The following OTOGL variants were observed in gnomAD, a reference collection of about 807,000 sequenced individuals.
The protein encoded by OTOGL is otogelin like.
OTOGL carries 285 observed loss-of-function variants against 318.5 expected under a neutral mutation model. The ratio of observed to expected loss-of-function variants is 0.89; its 90% CI spans 0.81 to 0.99. The LOEUF is 0.99. Among genes scored for constraint, OTOGL ranks in the 50% least tolerant of loss-of-function variants. The pLI, the probability that OTOGL is intolerant of heterozygous loss-of-function variation, is 0.00. For missense variants in OTOGL, 2,899 were observed against 2,845.6 expected, an observed-to-expected ratio of 1.02 and a Z score of -0.43; for synonymous variants, 987 against 936.5, an observed-to-expected ratio of 1.05 and a Z score of -0.99.
chr12:80,181,619 T>C (rs769503284), intron 1 of OTOGL, among the ~76,000 whole-genome samples: 6 of 151,330 alleles, frequency 4.0e-5, no homozygotes, highest in Non-Finnish European at 8.8e-5. Context: ...TACATAACCC[T>C]GAGGATCAAG....
intron 26 of OTOGL, among the ~76,000 whole-genome samples, chr12:80,289,460 G>A (rs189445766): frequency 6.6e-6 from 1 of 152,326 alleles, no homozygotes; most frequent in East Asian, 1.9e-4. Flanking sequence ...AGAGCCAGCA[G>A]GCACAAACAT....
Position 80,367,720 on chromosome 12 carries a change from G to T in OTOGL, c.6491G>T (p.Cys2164Phe). The change falls in exon 54 of 59, where the codon TGT becomes TTT. Residue 2164 changes from cysteine (C) to phenylalanine (F), a missense_variant. By Grantham distance (205) the Cys-to-Phe change is radical. This residue lies in a region of OTOGL where 289 missense variants were observed against 304.6 expected (regional missense o/e 0.95). Coordinates refer to ENST00000547103, the MANE Select transcript of OTOGL (RefSeq NM_001378609.3). ...FHTLNFTLVN[C>F]SKKCDVHQVY... ...ACTCTGAATTTTACACTGGTGAATT[G>T]TTCAAAAAAATGTGATGTTGTAAGT... is the stretch of plus-strand genomic sequence containing the variant. 7.0e-7 allele frequency: 1 copy of T among 1,422,208 alleles called. No individual in the cohort carries two copies. Among genetic ancestry groups the T allele is most frequent in the South Asian group, 1.6e-5 (1 of 62,024 alleles). The allele number at this position is 1,422,208 out of a possible 1,614,324, so 88.1% of individuals were successfully genotyped here. A position where few individuals can be genotyped will look rare whatever the true frequency, so the allele number is the denominator to read the frequency against.
intron 13 of OTOGL, 53 bp from the exon 14 acceptor site, chr12:80,253,413 T>C (rs895958225): frequency 7.5e-6 from 11 of 1,475,318 alleles, no homozygotes; most frequent in Admixed American, 5.1e-5. Context: ...ATTCCAGAAA[T>C]ACAATCTTTA....
At position 80,222,603 on chromosome 12, in the gene OTOGL, C is replaced by G. The variant is rs145511450; in HGVS notation, c.489+358C>G. Among the ~76,000 whole-genome samples, 603 of 152,244 alleles carry G rather than the reference C, an allele frequency of 4.0e-3. 5 individuals are homozygous for G. The highest frequency in any genetic ancestry group is 0.012 in the South Asian group (60 of 4,820). On this transcript the variant is annotated intron_variant, in intron 7 of 58. Transcript: ENST00000547103. ...TATGACTGAACTCAGAGAATTAATT[C>G]TTAGTTGCAGAATTCTTGATTCAAA... is the stretch of plus-strand genomic sequence containing the variant.
At chr12:80,218,795 C>CTTTTTTTTTTTTTTTTTTTTTTTTCT (rs34204072) in intron 5 of OTOGL, among the ~76,000 whole-genome samples, 1 of 118,240 alleles carries the variant, frequency 8.5e-6, no homozygotes, top group Non-Finnish European at 1.7e-5. Context: ...CTTTTTCTTT[C>CTTTTTTTTTTTTTTTTTTTTTTTTCT]TTTTTTTTTT....
At chr12:80,317,855 T>C (rs746710509) in intron 32 of OTOGL, among the ~76,000 whole-genome samples, 2 of 152,152 alleles carry the variant, frequency 1.3e-5, no homozygotes, top group Non-Finnish European at 2.9e-5. Context: ...CTGTTTCTGC[T>C]CAGCTCCACC....
At chr12:80,262,206 A>T in intron 19 of OTOGL, 113 bp downstream of exon 19, 1 of 1,100,026 alleles carries the variant, frequency 9.1e-7, no homozygotes, top group Non-Finnish European at 1.2e-6. Context: ...CCATTATGGT[A>T]AAATCAATGC....
rs970291885 is a variant in OTOGL at position 80,099,930 on chromosome 12, C to T, written c.-20+325C>T. ...GAGGAAACTGGTGATTTGGATGGTT[C>T]CACTCCTGGTCCCGTGTTCTGTGGC... On this transcript the variant is annotated intron_variant, in intron 1 of 58. Coordinates refer to ENST00000547103, the MANE Select transcript of OTOGL (RefSeq NM_001378609.3). Among the ~76,000 whole-genome samples, 4 of 152,096 alleles carry T rather than the reference C, an allele frequency of 2.6e-5. No individual in the cohort carries two copies. In the South Asian group the frequency reaches 8.3e-4, roughly 32 times the overall value.
chr12:80,341,316 G>A (rs1261559460), intron 43 of OTOGL, among the ~76,000 whole-genome samples: 2 of 152,130 alleles, frequency 1.3e-5, no homozygotes, highest in East Asian at 3.9e-4. Context: ...CAAGTCTTGA[G>A]CTTGACAATA....
intron 32 of OTOGL, among the ~76,000 whole-genome samples, chr12:80,315,494 G>A (rs1886910615): frequency 6.6e-6 from 1 of 152,132 alleles, no homozygotes; most frequent in Non-Finnish European, 1.5e-5. Context: ...TCTATTTAAT[G>A]AGGAAGGCGC....
intron 29 of OTOGL, among the ~76,000 whole-genome samples, chr12:80,308,859 C>T (rs189429746): frequency 1.4e-4 from 22 of 151,924 alleles, no homozygotes; most frequent in Non-Finnish European, 2.6e-4. Context: ...CGCAGGCACT[C>T]GGCAAGCTGA....
intron 4 of OTOGL, among the ~76,000 whole-genome samples, chr12:80,215,166 CTTT>C (rs34875604): frequency 7.0e-5 from 9 of 129,018 alleles, no homozygotes; most frequent in Admixed American, 7.8e-5. Flanking sequence ...GTTTACAAGT[CTTT>C]TTTTTTTTTT....
At chr12:80,216,004 A>C (rs773667795) in intron 4 of OTOGL, among the ~76,000 whole-genome samples, 6 of 152,190 alleles carry the variant, frequency 3.9e-5, no homozygotes, top group Non-Finnish European at 7.4e-5. Flanking sequence ...ATCTTCAAAT[A>C]GTGAGAGAGT....
chr12:80,266,479 C>T lies in OTOGL; in HGVS notation c.2253C>T (p.Tyr751=). 1 of 1,613,560 alleles carries T rather than the reference C, an allele frequency of 6.2e-7. No homozygotes were observed. The highest frequency in any genetic ancestry group is 8.5e-7 in the Non-Finnish European group (1 of 1,179,694). Residue 751 remains tyrosine, a synonymous_variant, in exon 21 of 59, where the codon TAC becomes TAT. Transcript: ENST00000547103. ...TGGTGTGCCAGAAGGGCATGCTGTA[C>T]CATCACTGTTCCTCGTTCTGCCTCC... ...CAVVCQKGML[Y]HHCSSFCLHS... is the part of the protein sequence containing the mutation.
chr12:80,136,717 C>T (rs1463468038), intron 1 of OTOGL, among the ~76,000 whole-genome samples: 1 of 152,128 alleles, frequency 6.6e-6, no homozygotes, highest in Non-Finnish European at 1.5e-5. Flanking sequence ...CTTTCCTGAC[C>T]ACCTTGTCTA....
chr12:80,239,028 T>A (rs763262322), intron 10 of OTOGL, 50 bp downstream of exon 10: 8 of 1,516,356 alleles, frequency 5.3e-6, no homozygotes, highest in Non-Finnish European at 7.0e-6. Context: ...TACACATATA[T>A]CTTATTTGTA....
At position 80,328,734 on chromosome 12, in the gene OTOGL, T is replaced by C. The variant is rs1208492823; in HGVS notation, c.4269T>C (p.Tyr1423=). 2 of 1,596,436 alleles carry C rather than the reference T, an allele frequency of 1.3e-6. No homozygotes were observed. Among genetic ancestry groups the C allele is most frequent in the Non-Finnish European group, 1.7e-6 (2 of 1,164,110 alleles). Residue 1423 remains tyrosine, a synonymous_variant, in exon 36 of 59, where the codon TAT becomes TAC. Coordinates refer to ENST00000547103, the MANE Select transcript of OTOGL (RefSeq NM_001378609.3). The stretch of plus-strand genomic sequence containing the variant: ...ATGAGGTCACCCTCAAGTGTGTTTA[T>C]CCACGAGACTGTAAGTGTGAACGTT... The part of the protein sequence containing the change: ...ILDEVTLKCV[Y]PRDCIPVIPT...
At chr12:80,270,064 G>T (rs1883291214) in intron 22 of OTOGL, 38 bp from the exon 23 acceptor site, 3 of 1,451,864 alleles carry the variant, frequency 2.1e-6, no homozygotes, top group Admixed American at 3.9e-5. Flanking sequence ...AAAAACAACA[G>T]ATTTGGTTCC....
intron 1 of OTOGL, among the ~76,000 whole-genome samples, chr12:80,144,709 C>T (rs10862069): frequency 0.46 from 69,655 of 151,100 alleles, 16,097 homozygotes; most frequent in East Asian, 0.49. Context: ...ACATCCTCTC[C>T]AGCACCTGTT....
Sources: gnomAD v4.1 joint callset for allele counts (sites outside exome capture counted in the v4.1 genomes callset) on GRCh38, gnomAD v4.1.1 for gene constraint, gnomAD v4.1.1 regional missense constraint, MANE v1.5 for transcripts, NCBI Gene and HGNC (gene_info 2026-07-23, HGNC 2026-07-21) for gene names.